Variants in TCERG1 observed in about 807,000 individuals in gnomAD.
TCERG1 encodes the protein transcription elongation regulator 1, also known as TATA box binding protein (TBP)-associated factor, RNA polymerase II, S, 150kD.
In TCERG1, 37 loss-of-function variants were observed where a neutral mutation model predicts 144.7. The observed-to-expected ratio is 0.26, with a 90% CI of 0.20 to 0.34. TCERG1 has a LOEUF of 0.34. Among genes scored for constraint, TCERG1 ranks in the 10% least tolerant of loss-of-function variants. TCERG1 has a pLI of 1.00. For synonymous variants in TCERG1, 492 were observed against 458.2 expected (o/e 1.07, Z -0.94); for missense variants, 1,027 against 1,380.7 (o/e 0.74, Z 4.06).
chr5:146,482,571 C>T (rs1561675388), intron 13 of TCERG1, 21 bp from the exon 14 acceptor site: 2 of 1,581,334 alleles, frequency 1.3e-6, no homozygotes, highest in African/African-American at 1.4e-5. Context: ...CAGTTGATGT[C>T]TTATATTTTA....
intron 4 of TCERG1, among the ~76,000 whole-genome samples, chr5:146,462,471 T>C (rs1561644916): frequency 6.6e-6 from 1 of 152,196 alleles, no homozygotes; most frequent in East Asian, 1.9e-4. Flanking sequence ...CTGAAAAGTA[T>C]GAAATAAGGA....
chr5:146,488,242 G>A (rs552489056), intron 15 of TCERG1, among the ~76,000 whole-genome samples: 33 of 152,210 alleles, frequency 2.2e-4, no homozygotes, highest in African/African-American at 7.5e-4. Context: ...ATAAACAAAT[G>A]GGGTTACATC....
At chr5:146,452,350 A>G (rs1312299531) in intron 1 of TCERG1, among the ~76,000 whole-genome samples, 2 of 152,220 alleles carry the variant, frequency 1.3e-5, no homozygotes, top group South Asian at 4.1e-4. Context: ...GAATACCATG[A>G]TAGGTACTCA....
chr5:146,466,076 CTT>C (rs1763760430), intron 5 of TCERG1, among the ~76,000 whole-genome samples: 2 of 149,952 alleles, frequency 1.3e-5, no homozygotes, highest in Non-Finnish European at 3.0e-5. Flanking sequence ...TTTATTAAGA[CTT>C]TTTGGTATTG....
chr5:146,503,922 A>G lies in TCERG1; in HGVS notation c.2697A>G (p.Glu899=), dbSNP rs1767710376. 1 of 1,613,398 alleles carries G rather than the reference A, an allele frequency of 6.2e-7. No individual in the cohort carries two copies. Among genetic ancestry groups the G allele is most frequent in the Non-Finnish European group, 8.5e-7 (1 of 1,179,762 alleles). ...REREVQKARS[E]QTKEIDRERE... Reference sequence around the variant, plus strand: ...GGGAGGTTCAAAAGGCCCGTTCAGAACAAACAAAAGAAATAGATCGAGAGA... The same window carrying G: ...GGGAGGTTCAAAAGGCCCGTTCAGAGCAAACAAAAGAAATAGATCGAGAGA... Residue 899 remains glutamate, a synonymous_variant, in exon 19 of 23, where the codon GAA becomes GAG. Coordinates refer to ENST00000679501, the MANE Select transcript of TCERG1 (RefSeq NM_001382548.1).
In TCERG1 at chr5:146,497,291, T is replaced by C. The variant is rs1040153749; in HGVS notation, c.2283-1245T>C. 2.6e-5 allele frequency among the ~76,000 whole-genome samples: 4 copies of C among 152,116 alleles called. No individual in the cohort carries two copies. In the East Asian group the frequency reaches 7.7e-4, roughly 29 times the overall value. ...GTTCAAAAGATTATTTTGCCTCAGC[T>C]TCTCAAGTAGCTGGGATTACAGGCG... On this transcript the variant is annotated intron_variant, in intron 16 of 22. Transcript: ENST00000679501.
intron 1 of TCERG1, among the ~76,000 whole-genome samples, chr5:146,451,602 C>T (rs913930997): frequency 1.3e-5 from 2 of 151,624 alleles, no homozygotes; most frequent in African/African-American, 2.4e-5. Context: ...GGATTACAGG[C>T]GTGAGCCACC....
intron 1 of TCERG1, among the ~76,000 whole-genome samples, chr5:146,450,081 TAAAAC>T (rs1010827492): frequency 2.6e-5 from 4 of 152,386 alleles, no homozygotes; most frequent in African/African-American, 9.6e-5. Flanking sequence ...CTATCATTAT[TAAAAC>T]AATAATGTGT....
At chr5:146,470,841 A>T in intron 8 of TCERG1, 93 bp downstream of exon 8, 1 of 848,894 alleles carries the variant, frequency 1.2e-6, no homozygotes, top group Non-Finnish European at 1.7e-6. Flanking sequence ...ATTTAAAAAT[A>T]ATTGTTATAA....
chr5:146,486,848 G>T (rs1765883466), intron 15 of TCERG1, among the ~76,000 whole-genome samples: 1 of 152,174 alleles, frequency 6.6e-6, no homozygotes, highest in Non-Finnish European at 1.5e-5. Flanking sequence ...GCCAAGGCAG[G>T]CGGATCACAT....
intron 17 of TCERG1, chr5:146,499,563 T>C (rs1450903074): frequency 6.6e-6 from 1 of 152,188 alleles, no homozygotes; most frequent in Admixed American, 6.5e-5. Flanking sequence ...ACTTAAAAAA[T>C]GATTATGCTT....
chr5:146,463,930 C>T, intron 5 of TCERG1, 137 bp downstream of exon 5: 2 of 1,225,144 alleles, frequency 1.6e-6, no homozygotes, highest in Non-Finnish European at 2.3e-6. Flanking sequence ...TCATGGCTAA[C>T]TGCAATATTT....
chr5:146,447,346 T>C lies in TCERG1; in HGVS notation c.-4T>C. On this transcript the variant is annotated 5_prime_UTR_variant, in exon 1 of 23. Transcript: ENST00000679501. ...CGGCGGGTGGATGAACGCGGCCCTC[T>C]GTAATGGCGGAGCGTGGCGGGGACG... 6.2e-7 allele frequency: 1 copy of C among 1,611,888 alleles called. No homozygotes were observed. Among genetic ancestry groups the C allele is most frequent in the East Asian group, 2.2e-5 (1 of 44,638 alleles).
chr5:146,454,980 G>A (rs1211171652), intron 1 of TCERG1, 76 bp from the exon 2 acceptor site: 1 of 1,459,920 alleles, frequency 6.8e-7, no homozygotes, highest in Non-Finnish European at 9.4e-7. Flanking sequence ...TAAATTTGAT[G>A]GATGTAATTA....
At chr5:146,480,181 A>G in intron 12 of TCERG1, 87 bp downstream of exon 12, 1 of 1,019,054 alleles carries the variant, frequency 9.8e-7, no homozygotes, top group Non-Finnish European at 1.5e-6. Context: ...GGGACAGGTA[A>G]TGTGAATGTT....
Position 146,449,576 on chromosome 5 carries a change from C to T in TCERG1, c.59+2168C>T, listed in dbSNP as rs547521607. 1.1e-3 allele frequency among the ~76,000 whole-genome samples: 175 copies of T among 152,296 alleles called. 1 individual carries two copies. Among genetic ancestry groups the T allele is most frequent in the African/African-American group, 3.9e-3 (163 of 41,550 alleles). On this transcript the variant is annotated intron_variant, in intron 1 of 22. Transcript: ENST00000679501. ...AGCATCTTTTTATTTCTTGCCCCTC[C>T]AGTTAAAGTATTGTCTTTAGCATTG...
intron 5 of TCERG1, among the ~76,000 whole-genome samples, chr5:146,465,889 G>A (rs1245683142): frequency 3.3e-5 from 5 of 151,962 alleles, no homozygotes; most frequent in Admixed American, 1.3e-4. Context: ...TTAGCCGGGC[G>A]TGGTGGTGCA....
At chr5:146,488,338 G>C (rs185716924) in intron 15 of TCERG1, among the ~76,000 whole-genome samples, 1 of 152,256 alleles carries the variant, frequency 6.6e-6, no homozygotes, top group Non-Finnish European at 1.5e-5. Context: ...CTACTTATTT[G>C]ATAGGGAATT....
intron 9 of TCERG1, among the ~76,000 whole-genome samples, chr5:146,476,102 C>T (rs756087023): frequency 3.3e-5 from 5 of 151,974 alleles, no homozygotes; most frequent in Admixed American, 6.6e-5. Context: ...TGTCTCAGAC[C>T]TAGACTGAGC....
Sources: allele counts gnomAD v4.1 joint callset (sites outside exome capture counted in the v4.1 genomes callset), GRCh38; gene constraint gnomAD v4.1.1; transcripts MANE v1.5; gene names NCBI Gene and HGNC (gene_info 2026-07-23, HGNC 2026-07-21).